GFRA2: variants seen among roughly 807,000 people sequenced by gnomAD.
The protein encoded by GFRA2 is GDNF family receptor alpha-2.
GFRA2 carries 17 observed loss-of-function variants against 48.3 expected under a neutral mutation model. The observed-to-expected ratio is 0.35, with a 90% CI of 0.24 to 0.53. GFRA2 has a LOEUF of 0.53. Among genes scored for constraint, GFRA2 ranks in the 20% least tolerant of loss-of-function variants. GFRA2 has a pLI of 0.93. For missense variants in GFRA2, 660 were observed against 637.3 expected (o/e 1.04, Z -0.38); for synonymous variants, 305 against 257.2 (o/e 1.19, Z -1.78).
At position 21,704,964 on chromosome 8, in the gene GFRA2, G is replaced by A. The variant is rs367998365; in HGVS notation, c.1045+21C>T. 8 of 1,594,600 alleles carry A rather than the reference G, an allele frequency of 5.0e-6. No individual in the cohort carries two copies. The African/African-American group carries it at 9.4e-5, about 19-fold the overall frequency. ...GGGGTGGGAGGGGCTGCTGGGGTTG[G>A]GGAGAACATCCAGAACTTACGGAGG... On this transcript the variant is annotated intron_variant, in intron 6 of 8. Coordinates refer to ENST00000524240, the MANE Select transcript of GFRA2 (RefSeq NM_001495.5).
At chr8:21,790,854 G>A (rs1807559132), upstream of GFRA2, among the ~76,000 whole-genome samples, 1 of 152,178 alleles carries the variant, frequency 6.6e-6, no homozygotes, top group African/African-American at 2.4e-5. Context: ...ATAAGGAACC[G>A]GCTTTGGATA....
chr8:21,716,087 C>T (rs1803316963), intron 4 of GFRA2, among the ~76,000 whole-genome samples: 1 of 152,186 alleles, frequency 6.6e-6, no homozygotes, highest in Non-Finnish European at 1.5e-5. Flanking sequence ...CTTTGGGAAG[C>T]AGAGGCAGGC....
intron 1 of GFRA2, among the ~76,000 whole-genome samples, chr8:21,811,426 G>A (rs1439012563): frequency 6.6e-6 from 1 of 152,140 alleles, no homozygotes; most frequent in Non-Finnish European, 1.5e-5. Flanking sequence ...CTGGATCAGA[G>A]GCCTTTTAAA....
At chr8:21,772,187 C>G (rs1224190671) in intron 3 of GFRA2, among the ~76,000 whole-genome samples, 1 of 152,170 alleles carries the variant, frequency 6.6e-6, no homozygotes, top group Non-Finnish European at 1.5e-5. Flanking sequence ...AATGAGCCTA[C>G]CCAAGATCCT....
Position 21,759,654 on chromosome 8 carries a change from T to C in GFRA2, c.440-8712A>G, listed in dbSNP as rs530171420. On this transcript the variant is annotated intron_variant, in intron 3 of 8. Coordinates refer to ENST00000524240, the MANE Select transcript of GFRA2 (RefSeq NM_001495.5). ...CTGTAACCCCAGCATTTTGGGAGGC[T>C]GAGGTAGGTGGATCAGTGAAGGCCA... Among the ~76,000 whole-genome samples, 46 of 152,010 alleles carry C rather than the reference T, an allele frequency of 3.0e-4. 1 individual carries two copies. The highest frequency in any genetic ancestry group is 2.9e-3 in the Admixed American group (45 of 15,258).
intron 3 of GFRA2, among the ~76,000 whole-genome samples, chr8:21,754,970 G>C (rs974640227): frequency 6.6e-6 from 1 of 152,148 alleles, no homozygotes; most frequent in African/African-American, 2.4e-5. Flanking sequence ...CATGAAAGGA[G>C]ACATGTATCA....
intron 4 of GFRA2, among the ~76,000 whole-genome samples, chr8:21,741,547 C>T (rs145660529): frequency 6.6e-6 from 1 of 152,274 alleles, no homozygotes; most frequent in African/African-American, 2.4e-5. Context: ...GGGGCAGAGA[C>T]CACTGACACT....
chr8:21,738,844 C>G (rs911976343), intron 4 of GFRA2, among the ~76,000 whole-genome samples: 5 of 152,224 alleles, frequency 3.3e-5, no homozygotes, highest in African/African-American at 1.2e-4. Flanking sequence ...GCGGTTCACT[C>G]CAGCATCCCA....
chr8:21,711,699 T>G (rs1050099843), intron 4 of GFRA2, among the ~76,000 whole-genome samples: 1 of 151,962 alleles, frequency 6.6e-6, no homozygotes, highest in African/African-American at 2.4e-5. Flanking sequence ...TTTTTTTTTT[T>G]TTTTGATCAT....
intron 4 of GFRA2, among the ~76,000 whole-genome samples, chr8:21,723,942 C>G (rs912174346): frequency 3.3e-5 from 5 of 152,232 alleles, no homozygotes; most frequent in African/African-American, 1.2e-4. Flanking sequence ...ACTCAACAGA[C>G]AAGCCCCAGG....
chr8:21,693,143 C>T lies in GFRA2; in HGVS notation c.*135G>A. Reference sequence around the variant, plus strand: ...TCCAGAGAAGAAACCTGGGAGGAGACAGGTTCAGCGACAAGGTGGGAAAAA... The same window carrying T: ...TCCAGAGAAGAAACCTGGGAGGAGATAGGTTCAGCGACAAGGTGGGAAAAA... On this transcript the variant is annotated 3_prime_UTR_variant, in exon 9 of 9. Coordinates refer to ENST00000524240, the MANE Select transcript of GFRA2 (RefSeq NM_001495.5). 1.3e-6 allele frequency: 1 copy of T among 754,376 alleles called. No homozygotes were observed. Among genetic ancestry groups the T allele is most frequent in the South Asian group, 3.1e-5 (1 of 32,280 alleles). 46.7% of individuals were successfully genotyped at this position (754,376 alleles called of 1,614,324 possible).
intron 6 of GFRA2, among the ~76,000 whole-genome samples, chr8:21,704,525 G>T (rs1802643673): frequency 6.6e-6 from 1 of 152,226 alleles, no homozygotes; most frequent in African/African-American, 2.4e-5. Flanking sequence ...GGCATGGATG[G>T]CAATGGGTGC....
chr8:21,755,228 G>A (rs1805510456), intron 3 of GFRA2, among the ~76,000 whole-genome samples: 1 of 152,064 alleles, frequency 6.6e-6, no homozygotes, highest in East Asian at 1.9e-4. Context: ...GCCTCATAAT[G>A]ATGTGTCAAT....
chr8:21,780,075 AT>A (rs1806904089), intron 2 of GFRA2, among the ~76,000 whole-genome samples: 1 of 146,652 alleles, frequency 6.8e-6, no homozygotes, highest in Non-Finnish European at 1.5e-5. Flanking sequence ...TTTTTTAAGC[AT>A]CCTTTGTTCT....
chr8:21,784,937 C>T lies in GFRA2; in HGVS notation c.41-2038G>A, dbSNP rs1026200350. Among the ~76,000 whole-genome samples the T allele has an allele frequency of 9.2e-5, 14 of 152,250 alleles. No individual in the cohort carries two copies. The South Asian group carries it at 1.7e-3, about 18-fold the overall frequency. Reference sequence around the variant, plus strand: ...CCCCCCAAGAGCAGCTGAGTTGACACGGCCCCGCCTGTACCTGCGGCCCCC... The same window carrying T: ...CCCCCCAAGAGCAGCTGAGTTGACATGGCCCCGCCTGTACCTGCGGCCCCC... On this transcript the variant is annotated intron_variant, in intron 1 of 8. Coordinates refer to ENST00000524240, the MANE Select transcript of GFRA2 (RefSeq NM_001495.5).
intron 4 of GFRA2, among the ~76,000 whole-genome samples, chr8:21,733,323 C>G (rs1391903018): frequency 6.6e-6 from 1 of 152,180 alleles, no homozygotes; most frequent in Non-Finnish European, 1.5e-5. Context: ...ACACCTACCC[C>G]ACACCCAGGC....
chr8:21,811,217 G>A (rs1004422623), intron 1 of GFRA2, among the ~76,000 whole-genome samples: 2 of 152,076 alleles, frequency 1.3e-5, no homozygotes, highest in Non-Finnish European at 2.9e-5. Flanking sequence ...TTTCTGCCTC[G>A]GGCCTCCCCT....
chr8:21,792,117 C>T (rs1284477103), upstream of GFRA2, among the ~76,000 whole-genome samples: 1 of 152,182 alleles, frequency 6.6e-6, no homozygotes, highest in African/African-American at 2.4e-5. Context: ...CCATTCCTTC[C>T]CTTTCTCTTA....
rs1009273943 is a variant in GFRA2 at position 21,690,970 on chromosome 8, G to T, written c.*2308C>A. 2 of 152,214 alleles carry T rather than the reference G, an allele frequency of 1.3e-5. No individual in the cohort carries two copies. The highest frequency in any genetic ancestry group is 1.3e-4 in the Admixed American group (2 of 15,282). 9.4% of individuals were successfully genotyped at this position (152,214 alleles called of 1,614,324 possible). On this transcript the variant is annotated 3_prime_UTR_variant, in exon 9 of 9. Transcript: ENST00000524240. ...TGACCACGTCTACCCGCAATGGCTG[G>T]ACAGAGACCTGGCTGGCTCACTGTA...
Sources: gnomAD v4.1 joint callset for allele counts (sites outside exome capture counted in the v4.1 genomes callset) on GRCh38, gnomAD v4.1.1 for gene constraint, MANE v1.5 for transcripts, NCBI Gene and HGNC (gene_info 2026-07-23, HGNC 2026-07-21) for gene names.